The following HEXB variants were observed in gnomAD, a reference collection of about 807,000 sequenced individuals.
HEXB encodes the protein beta-hexosaminidase subunit beta.
In HEXB, 51 loss-of-function variants were observed where a neutral mutation model predicts 71.2. The observed-to-expected ratio is 0.72, with a 90% CI of 0.57 to 0.90. The LOEUF (loss-of-function observed/expected upper bound fraction) is 0.90, where lower values mean the gene tolerates loss of function less well. Ranked by LOEUF, HEXB falls within the 40% of genes least tolerant of loss-of-function variation. The pLI, the probability that HEXB is intolerant of heterozygous loss-of-function variation, is 0.00. For synonymous variants in HEXB, 266 were observed against 249.3 expected (o/e 1.07, Z -0.63); for missense variants, 617 against 677.0 (o/e 0.91, Z 0.98).
intron 1 of HEXB, among the ~76,000 whole-genome samples, chr5:74,672,084 C>A (rs820845): frequency 6.6e-6 from 1 of 152,170 alleles, no homozygotes; most frequent in Admixed American, 6.5e-5. Flanking sequence ...TCTGCTATCC[C>A]GATATATGTG....
chr5:74,712,938 A>C (rs11746069), intron 6 of HEXB, among the ~76,000 whole-genome samples: 20,665 of 152,034 alleles, frequency 0.14, 1,689 homozygotes, highest in Admixed American at 0.2. Flanking sequence ...AAAACAAGTC[A>C]CTTATTCTGG....
At chr5:74,648,716 C>T (rs1256470441) in intron 1 of HEXB, among the ~76,000 whole-genome samples, 1 of 152,192 alleles carries the variant, frequency 6.6e-6, no homozygotes, top group Non-Finnish European at 1.5e-5. Flanking sequence ...CATCGGCATA[C>T]ATGTTCATTT....
At chr5:74,644,853 C>G (rs1168553677) in intron 1 of HEXB, among the ~76,000 whole-genome samples, 1 of 124,682 alleles carries the variant, frequency 8.0e-6, no homozygotes, top group African/African-American at 3.0e-5. Context: ...CTCACTACAA[C>G]CTCCCCCTCT....
At chr5:74,719,068 T>A in intron 11 of HEXB, 97 bp downstream of exon 11, 1 of 1,143,192 alleles carries the variant, frequency 8.7e-7, no homozygotes, top group Non-Finnish European at 1.3e-6. Context: ...TTTTCTTCCC[T>A]AACCTCCCAC....
At position 74,685,526 on chromosome 5, in the gene HEXB, C is replaced by T; in HGVS notation, c.266C>T (p.Pro89Leu). Residue 89 changes from proline to leucine, a missense_variant, in exon 1 of 14, where the codon CCC (proline) becomes CTC (leucine). Coordinates refer to ENST00000261416, the MANE Select transcript of HEXB (RefSeq NM_000521.4). ...CACAGCCCCAATTCCACGGCGGGCC[C>T]CTCCTGCACCCTGCTGGAGGAAGCG... ...ISHSPNSTAGPSCTLLEEAFR... is the reference protein window; with the variant it reads ...ISHSPNSTAGLSCTLLEEAFR... 1 of 1,592,202 alleles carries T rather than the reference C, an allele frequency of 6.3e-7. No individual in the cohort carries two copies. Among genetic ancestry groups the T allele is most frequent in the Non-Finnish European group, 8.5e-7 (1 of 1,169,902 alleles).
intron 1 of HEXB, among the ~76,000 whole-genome samples, chr5:74,662,378 TGTGA>T (rs1748343341): frequency 6.6e-6 from 1 of 152,362 alleles, no homozygotes; most frequent in East Asian, 1.9e-4. Context: ...TGAGTTACTC[TGTGA>T]GTGTCATTTA....
At chr5:74,696,857 C>T (rs1305249722) in intron 4 of HEXB, 118 bp downstream of exon 4, 1 of 758,378 alleles carries the variant, frequency 1.3e-6, no homozygotes. Flanking sequence ...TTTGTCTTAG[C>T]CGGTAAATGT....
Position 74,641,693 on chromosome 5 carries a change from C to A in HEXB, c.-377+1135C>A, listed in dbSNP as rs1747894943. Among the ~76,000 whole-genome samples the A allele has an allele frequency of 6.6e-6, 1 of 152,172 alleles. No homozygotes were observed. The highest frequency in any genetic ancestry group is 2.4e-5 in the African/African-American group (1 of 41,426). On this transcript the variant is annotated intron_variant, in intron 1 of 13. Transcript: ENST00000511181. This position sits in a 1 kb window ranked among gnomAD's most constrained non-coding sequence, Gnocchi z 4.1. Reference sequence around the variant, plus strand: ...CGTGTCAGGAGAAGGGAAGGCGATTCGAAAAATAATCTCGCGTGGTGATCA... The same window carrying A: ...CGTGTCAGGAGAAGGGAAGGCGATTAGAAAAATAATCTCGCGTGGTGATCA...
At chr5:74,697,398 A>T (rs1369165358) in intron 5 of HEXB, among the ~76,000 whole-genome samples, 1 of 152,116 alleles carries the variant, frequency 6.6e-6, no homozygotes, top group East Asian at 1.9e-4. Flanking sequence ...ATATACTCCC[A>T]TTTGTCAAAT....
chr5:74,672,093 T>C (rs1004448871), intron 1 of HEXB, among the ~76,000 whole-genome samples: 2 of 152,182 alleles, frequency 1.3e-5, no homozygotes, highest in Non-Finnish European at 2.9e-5. Flanking sequence ...CCGATATATG[T>C]GATGCTTGTT....
Position 74,695,722 on chromosome 5 carries a change from T to C in HEXB, c.512-971T>C, listed in dbSNP as rs543673088. Reference sequence around the variant, plus strand: ...CGGGCATGGTGGTGCACGCTTGTAGTCCCAGCTACTTGGGAGGCTGAGGCA... The same window carrying C: ...CGGGCATGGTGGTGCACGCTTGTAGCCCCAGCTACTTGGGAGGCTGAGGCA... On this transcript the variant is annotated intron_variant, in intron 3 of 13. Coordinates refer to ENST00000261416, the MANE Select transcript of HEXB (RefSeq NM_000521.4). Among the ~76,000 whole-genome samples the C allele has an allele frequency of 2.7e-5, 4 of 150,554 alleles. No individual in the cohort carries two copies. The South Asian group carries it at 8.4e-4, about 32-fold the overall frequency.
chr5:74,683,764 GCC>G (rs1748782727), upstream of HEXB, among the ~76,000 whole-genome samples: 1 of 151,404 alleles, frequency 6.6e-6, no homozygotes, highest in Non-Finnish European at 1.5e-5. Context: ...ATGCCAAAGT[GCC>G]ACACTTTGGG....
intron 1 of HEXB, among the ~76,000 whole-genome samples, chr5:74,663,947 G>A (rs568936068): frequency 2.6e-5 from 4 of 151,340 alleles, no homozygotes; most frequent in Admixed American, 1.3e-4. Flanking sequence ...GCAACATAGT[G>A]GGATCCTGTA....
chr5:74,685,869 G>A (rs1397029888), intron 1 of HEXB, among the ~76,000 whole-genome samples: 2 of 152,132 alleles, frequency 1.3e-5, no homozygotes, highest in African/African-American at 4.8e-5. Flanking sequence ...AGCTGGGGAG[G>A]AAAGTGACAG....
At chr5:74,709,489 T>G (rs1438526829) in intron 6 of HEXB, among the ~76,000 whole-genome samples, 1 of 152,096 alleles carries the variant, frequency 6.6e-6, no homozygotes, top group East Asian at 1.9e-4. Flanking sequence ...CTTCAAAAAA[T>G]TAATGAATCC....
chr5:74,715,750 C>T, intron 8 of HEXB, 60 bp downstream of exon 8: 4 of 1,216,580 alleles, frequency 3.3e-6, no homozygotes, highest in Middle Eastern at 2.7e-4. Context: ...GGTGCGGTGG[C>T]TCACGCCTAT....
chr5:74,667,436 A>G (rs912246819), intron 1 of HEXB, among the ~76,000 whole-genome samples: 1 of 152,100 alleles, frequency 6.6e-6, no homozygotes, highest in African/African-American at 2.4e-5. Context: ...AAATTACCAT[A>G]CAGTCCATTC....
At chr5:74,719,710 G>A (rs1387976241) in intron 11 of HEXB, among the ~76,000 whole-genome samples, 3 of 152,116 alleles carry the variant, frequency 2.0e-5, no homozygotes, top group Admixed American at 6.5e-5. Flanking sequence ...TTGGGAGGCC[G>A]AGGCAGGTGG....
chr5:74,683,520 TC>T (rs1748778372), upstream of HEXB, among the ~76,000 whole-genome samples: 1 of 152,144 alleles, frequency 6.6e-6, no homozygotes, highest in Non-Finnish European at 1.5e-5. Flanking sequence ...GCCAGGCTGG[TC>T]TCGAACTCCT....
Sources: gnomAD v4.1 joint callset for allele counts (sites outside exome capture counted in the v4.1 genomes callset) on GRCh38, gnomAD v4.1.1 for gene constraint, Gnocchi (gnomAD v3.1) non-coding constraint, MANE v1.5 for transcripts, NCBI Gene and HGNC (gene_info 2026-07-23, HGNC 2026-07-21) for gene names.